Variants in TGS1 observed in about 807,000 individuals in gnomAD.
The protein encoded by TGS1 is trimethylguanosine synthase 1, also known as trimethylguanosine synthase.
A neutral mutation model predicts 92.2 loss-of-function variants in TGS1; 69 were observed. The ratio of observed to expected loss-of-function variants is 0.75; its 90% CI spans 0.62 to 0.91. TGS1 has a LOEUF of 0.91. Ranked by LOEUF, TGS1 falls within the 40% of genes least tolerant of loss-of-function variation. The pLI, the probability that TGS1 is intolerant of heterozygous loss-of-function variation, is 0.00. For synonymous variants in TGS1, 345 were observed against 338.1 expected (o/e 1.02, Z -0.22); for missense variants, 1,062 against 1,001.2 (o/e 1.06, Z -0.82).
At chr8:55,823,676 T>A (rs982082397) in intron 12 of TGS1, among the ~76,000 whole-genome samples, 4 of 152,040 alleles carry the variant, frequency 2.6e-5, no homozygotes, top group Non-Finnish European at 5.9e-5. Context: ...TAAATACTGT[T>A]GAATGAATGA....
At position 55,786,787 on chromosome 8, in the gene TGS1, T is replaced by C. The variant is rs1318255035; in HGVS notation, c.889T>C (p.Ser297Pro). Residue 297 changes from serine (S) to proline (P), a missense_variant, in exon 4 of 13, where the codon TCT becomes CCT. By Grantham distance (74) the Ser-to-Pro change is moderately conservative (BLOSUM62 -1). Transcript: ENST00000260129. The stretch of plus-strand genomic sequence containing the variant: ...GAAAGTTGACTTAGTATCTTTTCCA[T>C]CTTCACCTATTATGGTTGATAATGA... ...CMKVDLVSFPSSPIMVDNDSS... is the reference protein window; with the variant it reads ...CMKVDLVSFPPSPIMVDNDSS... 3 of 1,614,064 alleles carry C rather than the reference T, an allele frequency of 1.9e-6. No individual in the cohort carries two copies. The African/African-American group carries it at 4.0e-5, about 22-fold the overall frequency.
At chr8:55,809,664 A>C (rs564799368) in intron 10 of TGS1, among the ~76,000 whole-genome samples, 1 of 152,124 alleles carries the variant, frequency 6.6e-6, no homozygotes, top group South Asian at 2.1e-4. Context: ...CGAACTCCTG[A>C]GCTCAAGGGG....
intron 10 of TGS1, among the ~76,000 whole-genome samples, chr8:55,806,640 A>G (rs114711253): frequency 0.013 from 2,008 of 152,154 alleles, 40 homozygotes; most frequent in African/African-American, 0.046. Flanking sequence ...CAGGGCTCCT[A>G]ATGTCTGTCT....
chr8:55,815,137 A>G (rs1162693048), intron 12 of TGS1, among the ~76,000 whole-genome samples: 1 of 152,190 alleles, frequency 6.6e-6, no homozygotes, highest in Non-Finnish European at 1.5e-5. Context: ...ATTTATGCTG[A>G]TTAACTTTTT....
chr8:55,818,299 G>C (rs941327531), intron 12 of TGS1, among the ~76,000 whole-genome samples: 2 of 152,114 alleles, frequency 1.3e-5, no homozygotes, highest in African/African-American at 4.8e-5. Flanking sequence ...GGTCTCCCGA[G>C]TACCTGGGAC....
chr8:55,813,170 T>C (rs1009588347), intron 12 of TGS1, 52 bp downstream of exon 12: 1 of 1,296,974 alleles, frequency 7.7e-7, no homozygotes, highest in African/African-American at 1.5e-5. Flanking sequence ...CTGTTACAAG[T>C]ACGGTAAAAG....
At chr8:55,791,126 C>G (rs1811875999) in intron 5 of TGS1, among the ~76,000 whole-genome samples, 1 of 152,202 alleles carries the variant, frequency 6.6e-6, no homozygotes, top group Admixed American at 6.5e-5. Context: ...GCTCAGTTTT[C>G]TTCACAGCAA....
chr8:55,823,312 CA>C (rs1803701514), intron 12 of TGS1, among the ~76,000 whole-genome samples: 5 of 152,270 alleles, frequency 3.3e-5, no homozygotes, highest in Admixed American at 3.3e-4. Flanking sequence ...TGTCTTGGAA[CA>C]AAAGAATCTT....
chr8:55,801,299 C>T (rs1247361262), intron 8 of TGS1, among the ~76,000 whole-genome samples: 5 of 152,210 alleles, frequency 3.3e-5, no homozygotes, highest in African/African-American at 1.2e-4. Context: ...TAGACAGAGT[C>T]TTGCTCTGTT....
At position 55,773,589 on chromosome 8, in the gene TGS1, G is replaced by A. The variant is rs770293993; in HGVS notation, c.-30G>A. 9.5e-6 allele frequency: 15 copies of A among 1,578,802 alleles called. No homozygotes were observed. Among genetic ancestry groups the A allele is most frequent in the East Asian group, 2.3e-5 (1 of 42,782 alleles). The stretch of plus-strand genomic sequence containing the variant: ...GCCCGGCAGGCGCGACCCGGGCTGC[G>A]TACGTCAGAGCTGCCTCCGAAGTGG... On this transcript the variant is annotated 5_prime_UTR_variant, in exon 1 of 13. Coordinates refer to ENST00000260129, the MANE Select transcript of TGS1 (RefSeq NM_024831.8).
Position 55,773,454 on chromosome 8 carries a change from C to T in TGS1, c.-165C>T. On this transcript the variant is annotated 5_prime_UTR_variant, in exon 1 of 13. Coordinates refer to ENST00000260129, the MANE Select transcript of TGS1 (RefSeq NM_024831.8). ...CGTGGCCCCTCGGAGCCACTTCCGG[C>T]GGCAGCGTCCGGGCTAGTTCCCGGC... 1 of 512,456 alleles carries T rather than the reference C, an allele frequency of 2.0e-6. No individual in the cohort carries two copies. The highest frequency in any genetic ancestry group is 2.9e-5 in the South Asian group (1 of 35,020). The allele number at this position is 512,456 out of a possible 1,614,324, so 31.7% of individuals were successfully genotyped here.
intron 12 of TGS1, among the ~76,000 whole-genome samples, chr8:55,823,950 T>TA (rs34670939): frequency 2.0e-5 from 3 of 151,756 alleles, no homozygotes; most frequent in Non-Finnish European, 2.9e-5. Context: ...CCATTTCTAC[T>TA]AAAAAAAATA....
intron 12 of TGS1, among the ~76,000 whole-genome samples, chr8:55,822,231 A>G (rs923397173): frequency 4.0e-5 from 6 of 151,756 alleles, no homozygotes; most frequent in African/African-American, 1.5e-4. Context: ...CACCACCCCC[A>G]GCAAATTTTT....
intron 4 of TGS1, 24 bp from the exon 5 acceptor site, chr8:55,790,158 A>G (rs1811834351): frequency 6.4e-7 from 1 of 1,558,544 alleles, no homozygotes; most frequent in African/African-American, 1.4e-5. Flanking sequence ...GGGAAAAGCT[A>G]CTGCAATATT....
intron 6 of TGS1, among the ~76,000 whole-genome samples, chr8:55,793,778 TTTA>T (rs1811960090): frequency 6.9e-6 from 1 of 145,904 alleles, no homozygotes; most frequent in Non-Finnish European, 1.5e-5. Context: ...TTATTTATTT[TTTA>T]ATTTTTTATT....
intron 4 of TGS1, 83 bp downstream of exon 4, chr8:55,787,143 G>A (rs1187015453): frequency 5.4e-6 from 5 of 931,620 alleles, no homozygotes; most frequent in Non-Finnish European, 6.4e-6. Flanking sequence ...ATCCTTTATT[G>A]TAGAGTTAAA....
intron 12 of TGS1, among the ~76,000 whole-genome samples, chr8:55,819,281 C>T (rs1050812557): frequency 7.1e-6 from 1 of 139,892 alleles, no homozygotes; most frequent in Admixed American, 7.7e-5. Context: ...CTTGTGATGC[C>T]TGGGAGATTT....
intron 8 of TGS1, among the ~76,000 whole-genome samples, chr8:55,801,162 A>G (rs1812201755): frequency 6.6e-6 from 1 of 152,238 alleles, no homozygotes; most frequent in African/African-American, 2.4e-5. Context: ...CACATAAAGC[A>G]GTGTCTTGGC....
At chr8:55,789,262 C>G (rs1585764269) in intron 4 of TGS1, among the ~76,000 whole-genome samples, 1 of 152,126 alleles carries the variant, frequency 6.6e-6, no homozygotes, top group Non-Finnish European at 1.5e-5. Context: ...AAATAGAGAA[C>G]AAAGACAGAT....
Sources: allele counts gnomAD v4.1 joint callset (sites outside exome capture counted in the v4.1 genomes callset), GRCh38; gene constraint gnomAD v4.1.1; transcripts MANE v1.5; gene names NCBI Gene and HGNC (gene_info 2026-07-23, HGNC 2026-07-21).